INPP4A: variants seen among roughly 807,000 people sequenced by gnomAD.
INPP4A encodes the protein inositol polyphosphate-4-phosphatase, type I, 107kD.
INPP4A carries 33 observed loss-of-function variants against 119.8 expected under a neutral mutation model. That is an observed-to-expected ratio of 0.28 (90% CI 0.21 to 0.37). INPP4A has a LOEUF of 0.37. INPP4A is among the 10% of genes least tolerant of loss of function. INPP4A has a pLI of 1.00. For synonymous variants in INPP4A, 496 were observed against 500.7 expected (o/e 0.99, Z 0.12); for missense variants, 956 against 1,289.9 (o/e 0.74, Z 3.97).
chr2:98,459,544 T>G (rs924674391), intron 1 of INPP4A, among the ~76,000 whole-genome samples: 2 of 152,130 alleles, frequency 1.3e-5, no homozygotes, highest in African/African-American at 4.8e-5. Context: ...AGTGTTAGAT[T>G]CTACTTTACT....
chr2:98,493,938 A>G (rs949065701), intron 1 of INPP4A, among the ~76,000 whole-genome samples: 7 of 152,230 alleles, frequency 4.6e-5, no homozygotes, highest in Non-Finnish European at 4.4e-5. Flanking sequence ...AATAACTGAT[A>G]AAAATTATTT....
chr2:98,526,300 T>A (rs1243810554), intron 4 of INPP4A, among the ~76,000 whole-genome samples: 1 of 152,218 alleles, frequency 6.6e-6, no homozygotes, highest in Non-Finnish European at 1.5e-5. Flanking sequence ...TGATGGTGCT[T>A]ACATGGGTGT....
chr2:98,506,446 C>T lies in INPP4A; in HGVS notation c.-165-12518C>T, dbSNP rs138865743. On this transcript the variant is annotated intron_variant, in intron 1 of 24. Coordinates refer to ENST00000409851, the MANE Select transcript of INPP4A (RefSeq NM_001134225.2). ...CCAGCGGTGTGGTGTGAGGACCAGG[C>T]GAGTCAAAACATGTGGGCAGCATTT... Among the ~76,000 whole-genome samples, 507 of 151,158 alleles carry T rather than the reference C, an allele frequency of 3.4e-3. 8 individuals carry two copies. The highest frequency in any genetic ancestry group is 1.4e-3 in the East Asian group (7 of 5,184).
intron 22 of INPP4A, among the ~76,000 whole-genome samples, chr2:98,571,169 A>C (rs1292269702): frequency 6.6e-6 from 1 of 152,200 alleles, no homozygotes; most frequent in Non-Finnish European, 1.5e-5. Context: ...TGCTCGCCAC[A>C]AGCTGGGCCC....
At chr2:98,491,373 C>A (rs1434418316) in intron 1 of INPP4A, among the ~76,000 whole-genome samples, 1 of 152,222 alleles carries the variant, frequency 6.6e-6, no homozygotes, top group Non-Finnish European at 1.5e-5. Flanking sequence ...CCTGAGTCCC[C>A]ATTTACACCC....
chr2:98,563,326 A>G lies in INPP4A; in HGVS notation c.1856-139A>G, dbSNP rs1365020233. ...GAGGGCTAGAGACTGGGTTGGTTCCAGACAGAGCTGGAAGATGAGGTGGAG... is the reference window on the plus strand; with the variant it reads ...GAGGGCTAGAGACTGGGTTGGTTCCGGACAGAGCTGGAAGATGAGGTGGAG... On this transcript the variant is annotated intron_variant, in intron 17 of 24. Transcript: ENST00000409851. 46 of 829,456 alleles carry G rather than the reference A, an allele frequency of 5.5e-5. 1 individual carries two copies. The highest frequency in any genetic ancestry group is 5.3e-5 in the Non-Finnish European group (28 of 526,976). The allele number at this position is 829,456 out of a possible 1,614,324, so 51.4% of individuals were successfully genotyped here.
chr2:98,587,427 T>G (rs1339001261), intron 24 of INPP4A, 49 bp from the exon 25 acceptor site: 2 of 1,514,820 alleles, frequency 1.3e-6, no homozygotes. Flanking sequence ...AAGTCTTTTC[T>G]TTTTTCCTTT....
intron 1 of INPP4A, among the ~76,000 whole-genome samples, chr2:98,481,293 G>T (rs1678391805): frequency 6.6e-6 from 1 of 152,164 alleles, no homozygotes; most frequent in Non-Finnish European, 1.5e-5. Context: ...GTGTGATCCT[G>T]TGTGGAGCAA....
At position 98,543,938 on chromosome 2, in the gene INPP4A, A is replaced by G; in HGVS notation, c.880A>G (p.Ile294Val). ...TTGCTGGGAGAGCCTCCGGCGCCAA[A>G]TTGTCACCCAGTACCAGACCATCAT... ...SPCWESLRRQIVTQYQTIILT... is the reference protein window; with the variant it reads ...SPCWESLRRQVVTQYQTIILT... The change falls in exon 11 of 25, where the codon ATT becomes GTT. Residue 294 changes from isoleucine to valine, a missense_variant. Physicochemically the swap from Ile to Val is conservative, Grantham distance 29 (BLOSUM62 3). Coordinates refer to ENST00000409851, the MANE Select transcript of INPP4A (RefSeq NM_001134225.2). 1 of 1,606,404 alleles carries G rather than the reference A, an allele frequency of 6.2e-7. No homozygotes were observed.
intron 20 of INPP4A, 68 bp downstream of exon 20, chr2:98,565,834 T>C (rs1474790698): frequency 3.8e-6 from 6 of 1,577,476 alleles, no homozygotes; most frequent in Non-Finnish European, 4.3e-6. Flanking sequence ...TCAGGGAAGG[T>C]ACTCTTCTGA....
intron 1 of INPP4A, among the ~76,000 whole-genome samples, chr2:98,517,687 C>T (rs1686409067): frequency 6.6e-6 from 1 of 152,204 alleles, no homozygotes; most frequent in African/African-American, 2.4e-5. Context: ...TGTTCCAGAA[C>T]ATTCTTTTCT....
chr2:98,568,429 C>T (rs988498000), intron 21 of INPP4A, 142 bp from the exon 22 acceptor site: 12 of 614,630 alleles, frequency 2.0e-5, no homozygotes, highest in East Asian at 8.3e-5. Flanking sequence ...CCTTTATGCT[C>T]GGAAGAGGGA....
At chr2:98,459,491 A>G (rs868422809) in intron 1 of INPP4A, among the ~76,000 whole-genome samples, 12 of 152,188 alleles carry the variant, frequency 7.9e-5, no homozygotes, top group East Asian at 1.9e-4. Context: ...TTGGTGTGCA[A>G]CTGGTTAATA....
At chr2:98,532,212 C>T (rs1689367442) in intron 4 of INPP4A, among the ~76,000 whole-genome samples, 1 of 151,980 alleles carries the variant, frequency 6.6e-6, no homozygotes, top group South Asian at 2.1e-4. Context: ...CATATCTCCT[C>T]CTTCCCTCTT....
At chr2:98,469,638 A>C (rs190771569) in intron 1 of INPP4A, among the ~76,000 whole-genome samples, 25 of 152,118 alleles carry the variant, frequency 1.6e-4, no homozygotes, top group African/African-American at 5.1e-4. Flanking sequence ...CCCTGTCTCT[A>C]CTAAAAATAC....
At chr2:98,537,191 C>T (rs143576153) in intron 7 of INPP4A, among the ~76,000 whole-genome samples, 1 of 152,170 alleles carries the variant, frequency 6.6e-6, no homozygotes, top group Non-Finnish European at 1.5e-5. Flanking sequence ...TAGATGGGAC[C>T]AGACAAAAAT....
intron 1 of INPP4A, among the ~76,000 whole-genome samples, chr2:98,463,724 C>T (rs140688182): frequency 1.3e-3 from 192 of 152,318 alleles, no homozygotes; most frequent in African/African-American, 4.3e-3. Context: ...CATGTGCCTG[C>T]GAGACTGCTT....
intron 24 of INPP4A, among the ~76,000 whole-genome samples, chr2:98,586,192 T>C (rs1402995534): frequency 6.6e-6 from 1 of 152,218 alleles, no homozygotes; most frequent in Non-Finnish European, 1.5e-5. Flanking sequence ...ACCAAATTAG[T>C]TACAACAACC....
chr2:98,480,394 A>T (rs1678166955), intron 1 of INPP4A, among the ~76,000 whole-genome samples: 1 of 152,220 alleles, frequency 6.6e-6, no homozygotes, highest in African/African-American at 2.4e-5. Flanking sequence ...GAGGGAAGGG[A>T]TGCTCAGAGA....
Sources: allele counts gnomAD v4.1 joint callset (sites outside exome capture counted in the v4.1 genomes callset), GRCh38; gene constraint gnomAD v4.1.1; transcripts MANE v1.5; gene names NCBI Gene and HGNC (gene_info 2026-07-23, HGNC 2026-07-21).